Variants in POLR3G observed in about 807,000 individuals in gnomAD.
The protein encoded by POLR3G is RNA polymerase III subunit G, also known as DNA-directed RNA polymerase III subunit RPC7.
In POLR3G, 28 loss-of-function variants were observed where a neutral mutation model predicts 30.1. That is an observed-to-expected ratio of 0.93 (90% CI 0.69 to 1.27). The LOEUF (loss-of-function observed/expected upper bound fraction) is 1.27, where lower values mean the gene tolerates loss of function less well. Among genes scored for constraint, POLR3G ranks in the 50% most tolerant of loss-of-function variants. The probability of loss-of-function intolerance (pLI) is 0.00; values close to 1 mark genes in which losing one functional copy is unlikely to be tolerated. For synonymous variants in POLR3G, 79 were observed against 82.5 expected (o/e 0.96, Z 0.23); for missense variants, 254 against 264.6 (o/e 0.96, Z 0.28).
intron 7 of POLR3G, among the ~76,000 whole-genome samples, chr5:90,507,980 T>C (rs901046082): frequency 1.3e-5 from 2 of 152,144 alleles, no homozygotes; most frequent in Non-Finnish European, 2.9e-5. Flanking sequence ...TCTCTTGTCC[T>C]CCCAGCGCAC....
intron 4 of POLR3G, among the ~76,000 whole-genome samples, chr5:90,496,228 A>G (rs1053096327): frequency 5.3e-5 from 8 of 152,130 alleles, no homozygotes; most frequent in African/African-American, 1.4e-4. Flanking sequence ...TCAGCCTCCC[A>G]AAGTGCTGGG....
intron 1 of POLR3G, among the ~76,000 whole-genome samples, chr5:90,483,978 A>G (rs1751281418): frequency 6.6e-6 from 1 of 152,130 alleles, no homozygotes; most frequent in South Asian, 2.1e-4. Context: ...TTGATTCTAC[A>G]TGTGTATTTT....
At chr5:90,502,801 C>CTTTTTTTTTT (rs34374200) in intron 6 of POLR3G, among the ~76,000 whole-genome samples, 3 of 142,270 alleles carry the variant, frequency 2.1e-5, no homozygotes, top group Non-Finnish European at 1.5e-5. Context: ...TTACCTCATC[C>CTTTTTTTTTT]TTCTTTTTTT....
intron 1 of POLR3G, among the ~76,000 whole-genome samples, chr5:90,479,902 C>A (rs1292928337): frequency 2.0e-5 from 3 of 152,000 alleles, no homozygotes; most frequent in Admixed American, 2.0e-4. Context: ...CAAAACTGTG[C>A]TTTAGGATGA....
chr5:90,485,537 T>A lies in POLR3G; in HGVS notation c.-31T>A. On this transcript the variant is annotated 5_prime_UTR_variant, in exon 2 of 8. Coordinates refer to ENST00000651687, the MANE Select transcript of POLR3G (RefSeq NM_006467.3). ...TAATCATTAATAGTGCCTTTCAGAATTTGCCCACTCATCTGGTATAACTGG... is the reference window on the plus strand; with the variant it reads ...TAATCATTAATAGTGCCTTTCAGAAATTGCCCACTCATCTGGTATAACTGG... The A allele has an allele frequency of 2.7e-6, 4 of 1,456,222 alleles. No individual in the cohort carries two copies. The South Asian group carries it at 4.8e-5, about 17-fold the overall frequency. The allele number at this position is 1,456,222 out of a possible 1,614,324, so 90.2% of individuals were successfully genotyped here.
chr5:90,495,652 A>G, intron 3 of POLR3G, 25 bp from the exon 4 acceptor site: 1 of 1,598,408 alleles, frequency 6.3e-7, no homozygotes, highest in Non-Finnish European at 8.5e-7. Flanking sequence ...TTTCCTAATG[A>G]GTTCTTTATT....
In POLR3G at chr5:90,501,890, G is replaced by A. The variant is rs1236484509; in HGVS notation, c.356-16G>A. On this transcript the variant is annotated splice_polypyrimidine_tract_variant and intron_variant, in intron 5 of 7. Transcript: ENST00000651687. ...GCAGTTGCAGAAAAATGTGTTAACT[G>A]GTAGTTTTACTTCAGCAGGCCCAAA... 1 of 1,611,410 alleles carries A rather than the reference G, an allele frequency of 6.2e-7. No individual in the cohort carries two copies. The highest frequency in any genetic ancestry group is 8.5e-7 in the Non-Finnish European group (1 of 1,178,656).
intron 7 of POLR3G, among the ~76,000 whole-genome samples, chr5:90,510,537 A>C (rs987505668): frequency 6.6e-6 from 1 of 152,168 alleles, no homozygotes. Context: ...TTTATGTACA[A>C]ATCGGCTTAC....
chr5:90,480,357 A>G (rs1190567371), intron 1 of POLR3G, among the ~76,000 whole-genome samples: 1 of 152,190 alleles, frequency 6.6e-6, no homozygotes, highest in Non-Finnish European at 1.5e-5. Flanking sequence ...TGTACAGGGT[A>G]ATGGATTCAT....
Position 90,487,851 on chromosome 5 carries a change from C to T in POLR3G, c.118-149C>T, listed in dbSNP as rs908863552. ...ATGGGTTAACAGGTTAAATAGACTA[C>T]AGAAGTTCATCTTTTAAGTTGGTTG... On this transcript the variant is annotated intron_variant, in intron 2 of 7. Coordinates refer to ENST00000651687, the MANE Select transcript of POLR3G (RefSeq NM_006467.3). 5.3e-6 allele frequency: 3 copies of T among 570,012 alleles called. No homozygotes were observed. The African/African-American group carries it at 5.8e-5, about 11-fold the overall frequency. 35.3% of individuals were successfully genotyped at this position (570,012 alleles called of 1,614,324 possible).
chr5:90,508,163 T>G (rs1752577662), intron 7 of POLR3G, among the ~76,000 whole-genome samples: 1 of 152,220 alleles, frequency 6.6e-6, no homozygotes, highest in South Asian at 2.1e-4. Flanking sequence ...TCTACAGCAA[T>G]TATTTTTGAT....
chr5:90,506,794 T>C, intron 7 of POLR3G, 120 bp downstream of exon 7: 1 of 1,350,696 alleles, frequency 7.4e-7, no homozygotes, highest in Non-Finnish European at 9.6e-7. Flanking sequence ...CAGAAGTATA[T>C]TATTATCAAT....
intron 3 of POLR3G, among the ~76,000 whole-genome samples, chr5:90,492,705 A>G (rs1751784894): frequency 6.6e-6 from 1 of 151,676 alleles, no homozygotes; most frequent in Admixed American, 6.6e-5. Flanking sequence ...ACATGGTGAA[A>G]CCCCGTCTCT....
intron 5 of POLR3G, among the ~76,000 whole-genome samples, chr5:90,498,553 A>T (rs1752098869): frequency 6.6e-6 from 1 of 152,118 alleles, no homozygotes; most frequent in Admixed American, 6.6e-5. Context: ...GCATTTATTC[A>T]CTTAGGATTT....
rs1752868192 is a variant in POLR3G, at chr5:90,514,320, T to TATCA, written c.*2182_*2185dup. On this transcript the variant is annotated 3_prime_UTR_variant, in exon 8 of 8. Transcript: ENST00000651687. ...TTTGTTGAAGTGTCTTTAAAATTGC[T>TATCA]ATCATGAGCAAAACTGGTTGCTGTA... 6.6e-6 allele frequency: 1 copy of TATCA among 152,252 alleles called. No homozygotes were observed. Among genetic ancestry groups the TATCA allele is most frequent in the South Asian group, 2.1e-4 (1 of 4,836 alleles). The allele number at this position is 152,252 out of a possible 1,614,324, so 9.4% of individuals were successfully genotyped here. A position where few individuals can be genotyped will look rare whatever the true frequency, so the allele number is the denominator to read the frequency against.
At chr5:90,493,879 T>G (rs1751860885) in intron 3 of POLR3G, among the ~76,000 whole-genome samples, 2 of 151,572 alleles carry the variant, frequency 1.3e-5, no homozygotes, top group African/African-American at 2.4e-5. Context: ...GGCTAATTTT[T>G]TTGTGTTTTT....
intron 7 of POLR3G, among the ~76,000 whole-genome samples, chr5:90,510,294 C>T (rs371769663): frequency 4.6e-5 from 7 of 151,910 alleles, no homozygotes; most frequent in African/African-American, 9.7e-5. Context: ...AGGAGAATGG[C>T]GTGAACCAGG....
chr5:90,477,649 TG>T (rs1233787855), intron 1 of POLR3G, among the ~76,000 whole-genome samples: 1 of 152,220 alleles, frequency 6.6e-6, no homozygotes, highest in Non-Finnish European at 1.5e-5. Flanking sequence ...CTAGCTTCTA[TG>T]TCTGCTTCTA....
At chr5:90,504,724 A>T (rs186575493) in intron 6 of POLR3G, among the ~76,000 whole-genome samples, 12 of 152,328 alleles carry the variant, frequency 7.9e-5, no homozygotes, top group Non-Finnish European at 1.6e-4. Context: ...TATTGGTTGC[A>T]GGTCTTTTTA....
Sources: gnomAD v4.1 joint callset for allele counts (sites outside exome capture counted in the v4.1 genomes callset) on GRCh38, gnomAD v4.1.1 for gene constraint, MANE v1.5 for transcripts, NCBI Gene and HGNC (gene_info 2026-07-23, HGNC 2026-07-21) for gene names.